Variants in GFM2 observed in about 807,000 individuals in gnomAD.
GFM2 encodes GTP dependent ribosome recycling factor mitochondrial 2.
A neutral mutation model predicts 95.4 loss-of-function variants in GFM2; 72 were observed. That is an observed-to-expected ratio of 0.76 (90% CI 0.62 to 0.92). The LOEUF (loss-of-function observed/expected upper bound fraction) is 0.92. GFM2 is among the 40% of genes least tolerant of loss of function. The pLI is 0.00. For missense variants in GFM2, 825 were observed against 924.1 expected (o/e 0.89, Z 1.39); for synonymous variants, 276 against 317.5 (o/e 0.87, Z 1.39).
At chr5:74,730,180 G>A in intron 17 of GFM2, 80 bp downstream of exon 17, 1 of 1,348,166 alleles carries the variant, frequency 7.4e-7, no homozygotes, top group African/African-American at 1.5e-5. Flanking sequence ...TAGTGACTAT[G>A]AACACTGCTT....
chr5:74,744,381 C>T (rs1743275217), intron 10 of GFM2, among the ~76,000 whole-genome samples: 1 of 148,358 alleles, frequency 6.7e-6, no homozygotes, highest in Non-Finnish European at 1.5e-5. Context: ...AAACTATGTA[C>T]AAAAGATAAG....
intron 10 of GFM2, 88 bp downstream of exon 10, chr5:74,745,590 C>T: frequency 8.7e-7 from 1 of 1,143,388 alleles, no homozygotes; most frequent in South Asian, 1.7e-5. Context: ...GTCCTGCAAC[C>T]AATCCCCGAG....
chr5:74,729,399 C>A (rs564654158), intron 17 of GFM2, among the ~76,000 whole-genome samples: 2 of 152,342 alleles, frequency 1.3e-5, no homozygotes, highest in South Asian at 4.1e-4. Context: ...CAGAATAACT[C>A]TAGCCTATAG....
chr5:74,722,547 AG>A lies in GFM2; in HGVS notation c.2042del (p.Ala681ValfsTer9). ...SRCVQKALKK[A>X]DKQVLEPLMN... is the part of the protein sequence containing the mutation. ...TCAGAGGCTCCAAAACTTGCTTATC[AG>A]CTTTCTTCAGAGCCTAAAGAAATTA... On this transcript the variant is annotated frameshift_variant, in exon 20 of 21. Transcript: ENST00000296805. LOFTEE classifies it high-confidence loss of function. 1 of 1,611,812 alleles carries A rather than the reference AG, an allele frequency of 6.2e-7. No homozygotes were observed. The highest frequency in any genetic ancestry group is 1.1e-5 in the South Asian group (1 of 90,494).
chr5:74,731,653 C>CT (rs1198927984), intron 16 of GFM2, among the ~76,000 whole-genome samples: 2 of 152,118 alleles, frequency 1.3e-5, no homozygotes, highest in Non-Finnish European at 2.9e-5. Context: ...GACTGCTATA[C>CT]TTTAAGTTAA....
intron 15 of GFM2, 187 bp from the exon 16 acceptor site, chr5:74,733,285 G>T: frequency 2.3e-6 from 1 of 440,812 alleles, no homozygotes; most frequent in Non-Finnish European, 4.1e-6. Context: ...GAGCCCAGGA[G>T]TTTGCGACCA....
In GFM2 at chr5:74,725,932, G is replaced by C. The variant is rs765702596; in HGVS notation, c.1912+9C>G. On this transcript the variant is annotated intron_variant, in intron 18 of 20. Coordinates refer to ENST00000296805, the MANE Select transcript of GFM2 (RefSeq NM_032380.5). ...GATACTAATGCTTACTCTCATTTGA[G>C]TGTCTTACCTTGGAGACATGCGCTG... 3.4e-5 allele frequency: 55 copies of C among 1,602,398 alleles called. No individual in the cohort carries two copies. Among genetic ancestry groups the C allele is most frequent in the Non-Finnish European group, 8.5e-7 (1 of 1,173,736 alleles).
At chr5:74,746,047 G>T in intron 9 of GFM2, 58 bp downstream of exon 9, 1 of 1,261,038 alleles carries the variant, frequency 7.9e-7, no homozygotes, top group Non-Finnish European at 1.1e-6. Context: ...TGTATATATT[G>T]TCACAAAATA....
intron 7 of GFM2, among the ~76,000 whole-genome samples, chr5:74,749,548 T>C (rs1202479237): frequency 6.6e-6 from 1 of 152,220 alleles, no homozygotes; most frequent in Non-Finnish European, 1.5e-5. Flanking sequence ...TTGTCCATTT[T>C]CTTCTGGGTT....
At chr5:74,753,843 T>G (rs1466957700) in intron 5 of GFM2, among the ~76,000 whole-genome samples, 1 of 152,024 alleles carries the variant, frequency 6.6e-6, no homozygotes, top group Admixed American at 6.5e-5. Flanking sequence ...GATCTAGACA[T>G]CCAAATACCA....
At position 74,763,757 on chromosome 5, in the gene GFM2, C is replaced by CT. The variant is rs755173293; in HGVS notation, c.-16dup. The CT allele has an allele frequency of 1.3e-6, 2 of 1,597,240 alleles. No individual in the cohort carries two copies. The highest frequency in any genetic ancestry group is 1.7e-6 in the Non-Finnish European group (2 of 1,166,254). ...TTGGTCAACATCTTGATCCTCCAAA[C>CT]TGTTACTGTCTGAAAAAATAAATAT... On this transcript the variant is annotated 5_prime_UTR_variant, in exon 2 of 21. Transcript: ENST00000296805.
rs773010798 is a variant in GFM2 at position 74,738,499 on chromosome 5, T to TA, written c.1220+2dup. 107 of 1,612,002 alleles carry TA rather than the reference T, an allele frequency of 6.6e-5. No individual in the cohort carries two copies. The highest frequency in any genetic ancestry group is 8.6e-5 in the Non-Finnish European group (102 of 1,179,228). ...TTATAAAATAATCTAAGCTTCTACTTACGTGCAGTTTCCATTAATATTATG... is the reference window on the plus strand; with the variant it reads ...TTATAAAATAATCTAAGCTTCTACTTAACGTGCAGTTTCCATTAATATTATG... On this transcript the variant is annotated splice_region_variant and intron_variant, in intron 13 of 20. Transcript: ENST00000296805.
intron 8 of GFM2, among the ~76,000 whole-genome samples, chr5:74,747,308 A>C (rs1295062266): frequency 1.3e-5 from 2 of 152,158 alleles, no homozygotes; most frequent in Non-Finnish European, 2.9e-5. Flanking sequence ...ACACCTTCAA[A>C]TGCAGGAAAC....
In GFM2 at chr5:74,763,749, C is replaced by T. The variant is rs780628654; in HGVS notation, c.-7G>A. The T allele has an allele frequency of 9.4e-6, 15 of 1,602,864 alleles. No individual in the cohort carries two copies. The highest frequency in any genetic ancestry group is 1.2e-5 in the Non-Finnish European group (14 of 1,170,878). ...TCCTCAAGTTGGTCAACATCTTGAT[C>T]CTCCAAACTGTTACTGTCTGAAAAA... On this transcript the variant is annotated 5_prime_UTR_variant, in exon 2 of 21. Coordinates refer to ENST00000296805, the MANE Select transcript of GFM2 (RefSeq NM_032380.5).
chr5:74,735,987 T>C (rs1317259356), intron 15 of GFM2, among the ~76,000 whole-genome samples: 1 of 152,112 alleles, frequency 6.6e-6, no homozygotes, highest in Non-Finnish European at 1.5e-5. Flanking sequence ...AAAAGGGGTA[T>C]TATCTTCTTC....
chr5:74,757,731 TAAAAAAA>T (rs35313753), intron 5 of GFM2, among the ~76,000 whole-genome samples: 2 of 89,166 alleles, frequency 2.2e-5, no homozygotes, highest in Admixed American at 1.3e-4. Context: ...CCTATGTCTC[TAAAAAAA>T]AAAAAAAAAA....
intron 10 of GFM2, among the ~76,000 whole-genome samples, chr5:74,742,853 G>A (rs1743180564): frequency 6.6e-6 from 1 of 151,950 alleles, no homozygotes; most frequent in Admixed American, 6.5e-5. Context: ...ATTTTTAGTA[G>A]AGACAGGGTT....
chr5:74,754,647 C>T (rs1743887999), intron 5 of GFM2, among the ~76,000 whole-genome samples: 1 of 152,078 alleles, frequency 6.6e-6, no homozygotes, highest in African/African-American at 2.4e-5. Context: ...AAAGACTAGT[C>T]GAACAGGAAA....
At chr5:74,724,279 G>T (rs1056127688) in intron 19 of GFM2, among the ~76,000 whole-genome samples, 2 of 152,030 alleles carry the variant, frequency 1.3e-5, no homozygotes, top group Non-Finnish European at 2.9e-5. Flanking sequence ...TTTAGAAACT[G>T]CATTATTTTT....
Sources: allele counts gnomAD v4.1 joint callset (sites outside exome capture counted in the v4.1 genomes callset), GRCh38; gene constraint gnomAD v4.1.1; transcripts MANE v1.5; gene names NCBI Gene and HGNC (gene_info 2026-07-23, HGNC 2026-07-21).